The following TMEM114 variants were observed in gnomAD, a reference collection of about 807,000 sequenced individuals.
The protein encoded by TMEM114 is claudin-26.
A neutral mutation model predicts 6.2 loss-of-function variants in TMEM114; 6 were observed. The ratio of observed to expected loss-of-function variants is 0.97; its 90% CI spans 0.53 to 1.91. The LOEUF is 1.91. Ranked by LOEUF, TMEM114 falls within the 40% of genes most tolerant of loss-of-function variation. The pLI, the probability that TMEM114 is intolerant of heterozygous loss-of-function variation, is 0.01. For synonymous variants in TMEM114, 104 were observed against 73.0 expected (o/e 1.42, Z -2.16); for missense variants, 218 against 158.3 (o/e 1.38, Z -2.02).
intron 2 of TMEM114, among the ~76,000 whole-genome samples, chr16:8,547,389 TTTCTTTC>T (rs1354184757): frequency 6.7e-4 from 98 of 147,342 alleles, no homozygotes; most frequent in African/African-American, 1.9e-3. Context: ...TCTTTCTTTC[TTTCTTTC>T]TTTTTTTTTT....
chr16:8,534,600 A>G (rs1900302912), downstream of TMEM114, among the ~76,000 whole-genome samples: 1 of 152,186 alleles, frequency 6.6e-6, no homozygotes, highest in South Asian at 2.1e-4. Context: ...ATCAGATGGG[A>G]TAACACACAC....
intron 2 of TMEM114, among the ~76,000 whole-genome samples, chr16:8,587,710 C>T (rs1347795651): frequency 1.3e-5 from 2 of 152,244 alleles, no homozygotes; most frequent in Non-Finnish European, 2.9e-5. Context: ...TCAAAAACTG[C>T]TCATGCCTAT....
At chr16:8,553,981 C>T (rs1010385571) in intron 2 of TMEM114, among the ~76,000 whole-genome samples, 1 of 151,682 alleles carries the variant, frequency 6.6e-6, no homozygotes, top group African/African-American at 2.4e-5. Context: ...CAGGTTCAAG[C>T]GATTCTCATG....
At chr16:8,552,296 A>G (rs1393642333) in intron 2 of TMEM114, among the ~76,000 whole-genome samples, 1 of 152,130 alleles carries the variant, frequency 6.6e-6, no homozygotes, top group Non-Finnish European at 1.5e-5. Context: ...AGGTGGGAGC[A>G]TCACTTGAAC....
At chr16:8,529,085 A>G in the TMEM114 span, among the ~76,000 whole-genome samples, 1 of 152,194 alleles carries the variant, frequency 6.6e-6, no homozygotes, top group African/African-American at 2.4e-5. Flanking sequence ...CGGAGAGGAC[A>G]GCAAAATCCT....
At chr16:8,535,772 G>A (rs143408825), downstream of TMEM114, among the ~76,000 whole-genome samples, 17 of 152,306 alleles carry the variant, frequency 1.1e-4, no homozygotes, top group South Asian at 6.2e-4. Flanking sequence ...GACTCACTGC[G>A]TAGGGAGCCC....
chr16:8,571,695 C>A (rs1273333577), intron 3 of TMEM114, among the ~76,000 whole-genome samples: 1 of 150,790 alleles, frequency 6.6e-6, no homozygotes, highest in African/African-American at 2.4e-5. Flanking sequence ...CCTGGTCATG[C>A]CCGTTTTTTA....
intron 2 of TMEM114, among the ~76,000 whole-genome samples, chr16:8,563,672 A>G (rs983759068): frequency 1.3e-5 from 2 of 151,148 alleles, no homozygotes; most frequent in Admixed American, 6.6e-5. Context: ...CGAATAAGTA[A>G]GTGAATGAGT....
At chr16:8,559,595 C>T (rs1331838683) in intron 2 of TMEM114, among the ~76,000 whole-genome samples, 1 of 152,298 alleles carries the variant, frequency 6.6e-6, no homozygotes, top group South Asian at 2.1e-4. Context: ...AATATTTTAT[C>T]AGTCATCAAA....
chr16:8,554,633 G>C (rs1900950134), intron 2 of TMEM114, among the ~76,000 whole-genome samples: 1 of 152,104 alleles, frequency 6.6e-6, no homozygotes, highest in Non-Finnish European at 1.5e-5. Context: ...CATAATATTT[G>C]CTGAATGTAA....
At chr16:8,543,316 G>A (rs754994172) in intron 2 of TMEM114, among the ~76,000 whole-genome samples, 3 of 152,048 alleles carry the variant, frequency 2.0e-5, no homozygotes, top group Non-Finnish European at 4.4e-5. Context: ...GCCCTGCCCT[G>A]CAGAACCCAA....
At chr16:8,574,879 G>C (rs1901864813) in intron 2 of TMEM114, among the ~76,000 whole-genome samples, 1 of 152,134 alleles carries the variant, frequency 6.6e-6, no homozygotes, top group African/African-American at 2.4e-5. Context: ...AAAATCTCCT[G>C]CTGAAATTTG....
chr16:8,549,653 T>C (rs10468340), intron 2 of TMEM114, among the ~76,000 whole-genome samples: 65,662 of 151,892 alleles, frequency 0.43, 14,988 homozygotes, highest in African/African-American at 0.57. Context: ...GTGTGAAAGA[T>C]GGTTGTAATA....
Position 8,589,241 on chromosome 16 carries a change from T to G in TMEM114, c.273A>C (p.Thr91=). The change falls in exon 2 of 4, where the codon ACA becomes ACC. Residue 91 remains threonine (T), a synonymous_variant. Coordinates refer to ENST00000620492, the MANE Select transcript of TMEM114 (RefSeq NM_001146336.2). The part of the protein sequence containing the change: ...LMNPFRLENV[T]VSESSRQLLT... ...GAAGTTGCCGGCTCGATTCGCTGAC[T>G]GTCACGTTCTCCAGCCTGAAGGGGT... The G allele has an allele frequency of 2.5e-6, 1 of 398,966 alleles. No homozygotes were observed. The highest frequency in any genetic ancestry group is 6.3e-4 in the Middle Eastern group (1 of 1,590). The allele number at this position is 398,966 out of a possible 1,614,324, so 24.7% of individuals were successfully genotyped here.
intron 2 of TMEM114, among the ~76,000 whole-genome samples, chr16:8,540,328 C>T (rs1398731446): frequency 6.6e-6 from 1 of 152,116 alleles, no homozygotes. Flanking sequence ...GTCCAGCCAC[C>T]TGAGCAGGAA....
intron 2 of TMEM114, among the ~76,000 whole-genome samples, chr16:8,538,316 T>C (rs1254209966): frequency 6.6e-6 from 1 of 151,514 alleles, no homozygotes; most frequent in Non-Finnish European, 1.5e-5. Flanking sequence ...GACAGACATA[T>C]TTGCTCTGGA....
At chr16:8,540,796 C>A (rs1323082305) in intron 2 of TMEM114, among the ~76,000 whole-genome samples, 1 of 152,154 alleles carries the variant, frequency 6.6e-6, no homozygotes, top group East Asian at 1.9e-4. Context: ...TAAATTTTGA[C>A]AATGACAATT....
chr16:8,533,576 G>C (rs1302725358), downstream of TMEM114, among the ~76,000 whole-genome samples: 1 of 152,242 alleles, frequency 6.6e-6, no homozygotes, highest in Non-Finnish European at 1.5e-5. Flanking sequence ...ATCTGGTCCA[G>C]AGCTTTAAAC....
At chr16:8,571,116 C>CT (rs369576574) in intron 3 of TMEM114, among the ~76,000 whole-genome samples, 7,684 of 102,870 alleles carry the variant, frequency 0.075, 251 homozygotes, top group African/African-American at 0.099. Context: ...GTCATCACTG[C>CT]TTTTTTTTTT....
Sources: allele counts gnomAD v4.1 joint callset (sites outside exome capture counted in the v4.1 genomes callset), GRCh38; gene constraint gnomAD v4.1.1; transcripts MANE v1.5; gene names NCBI Gene and HGNC (gene_info 2026-07-23, HGNC 2026-07-21).